The following ATP11A variants were observed in gnomAD, a reference collection of about 807,000 sequenced individuals.
ATP11A encodes the protein phospholipid-transporting ATPase IH.
ATP11A carries 81 observed loss-of-function variants against 154.4 expected under a neutral mutation model. The observed-to-expected ratio is 0.52, with a 90% CI of 0.44 to 0.63. The LOEUF (loss-of-function observed/expected upper bound fraction) is 0.63. Among genes scored for constraint, ATP11A ranks in the 30% least tolerant of loss-of-function variants. The pLI, the probability that ATP11A is intolerant of heterozygous loss-of-function variation, is 0.00. For missense variants in ATP11A, 1,316 were observed against 1,474.3 expected (o/e 0.89, Z 1.76); for synonymous variants, 623 against 585.9 (o/e 1.06, Z -0.91).
chr13:112,823,280 C>A, intron 8 of ATP11A, 65 bp from the exon 9 acceptor site: 1 of 1,288,884 alleles, frequency 7.8e-7, no homozygotes, highest in South Asian at 1.2e-5. Context: ...ACGTCTGCCT[C>A]TTGCCCCCCG....
chr13:112,770,981 G>C (rs2077212435), intron 1 of ATP11A, among the ~76,000 whole-genome samples: 1 of 152,216 alleles, frequency 6.6e-6, no homozygotes, highest in South Asian at 2.1e-4. Flanking sequence ...CAGTGATTGA[G>C]GCCGGTCGGC....
chr13:112,836,752 G>C (rs986567118), intron 16 of ATP11A, among the ~76,000 whole-genome samples: 1 of 152,218 alleles, frequency 6.6e-6, no homozygotes, highest in South Asian at 2.1e-4. Context: ...CACTCGGTTC[G>C]TGCTCCGGAA....
intron 2 of ATP11A, among the ~76,000 whole-genome samples, chr13:112,801,621 C>A (rs562605748): frequency 6.6e-6 from 1 of 152,216 alleles, no homozygotes; most frequent in Admixed American, 6.5e-5. Flanking sequence ...AAAAATTAAT[C>A]GCTATCCTAT....
chr13:112,858,418 G>C, intron 22 of ATP11A, 128 bp downstream of exon 22: 1 of 1,008,142 alleles, frequency 9.9e-7, no homozygotes, highest in Admixed American at 3.1e-5. Context: ...CTGTCAGAAA[G>C]GAAGGGGTGA....
rs904988365 is a variant in ATP11A at position 112,810,672 on chromosome 13, T to C, written c.387T>C (p.Pro129=). The C allele has an allele frequency of 1.2e-5, 19 of 1,614,102 alleles. No individual in the cohort carries two copies. Among genetic ancestry groups the C allele is most frequent in the South Asian group, 2.2e-5 (2 of 91,086 alleles). Residue 129 remains proline, a synonymous_variant, in exon 5 of 30, where the codon CCT becomes CCC. Coordinates refer to ENST00000375645, the MANE Select transcript of ATP11A (RefSeq NM_015205.3). ...HKADNAMNQC[P]VHFIQHGKLV... is the part of the protein sequence containing the mutation. The stretch of plus-strand genomic sequence containing the variant: ...CAGACAATGCCATGAACCAGTGTCC[T>C]GTTCATTTCATTCAGCACGGCAAGC...
chr13:112,769,617 T>C (rs1224379053), intron 1 of ATP11A, among the ~76,000 whole-genome samples: 1 of 152,178 alleles, frequency 6.6e-6, no homozygotes, highest in African/African-American at 2.4e-5. Flanking sequence ...CACCCTGGTT[T>C]TCCAGGTGAG....
chr13:112,880,699 C>T lies in ATP11A; in HGVS notation c.*10-1177C>T, dbSNP rs1006786380. ...GCCCGTGTGCTGTGACTGTCAGACC[C>T]GTTTTTCCTCCAAAGTTGTGCTGTG... On this transcript the variant is annotated intron_variant, in intron 29 of 29. Transcript: ENST00000375645. 3.0e-5 allele frequency: 37 copies of T among 1,248,390 alleles called. No homozygotes were observed. In the Middle Eastern group the frequency reaches 6.6e-4, roughly 22 times the overall value. 77.3% of individuals were successfully genotyped at this position (1,248,390 alleles called of 1,614,324 possible).
In ATP11A at chr13:112,728,466, G is replaced by A. The variant is rs78873614; in HGVS notation, c.39+38011G>A. ...CCACACGTGGAGGGGCCGTGAGACC[G>A]TGCAGCCCGCTTCCCTGTGTTACCT... On this transcript the variant is annotated intron_variant, in intron 1 of 29. Transcript: ENST00000375645. Among the ~76,000 whole-genome samples the A allele has an allele frequency of 4.3e-4, 62 of 145,836 alleles. No individual in the cohort carries two copies. The East Asian group carries it at 8.6e-3, about 20-fold the overall frequency.
At chr13:112,794,726 C>T (rs1339530386) in intron 2 of ATP11A, among the ~76,000 whole-genome samples, 4 of 151,866 alleles carry the variant, frequency 2.6e-5, no homozygotes, top group African/African-American at 7.3e-5. Flanking sequence ...AAATTAACTG[C>T]GTGTGGTGGC....
intron 1 of ATP11A, among the ~76,000 whole-genome samples, chr13:112,695,269 A>G (rs572012243): frequency 9.2e-5 from 14 of 152,336 alleles, no homozygotes; most frequent in African/African-American, 3.1e-4. Flanking sequence ...AAGACTAATA[A>G]TCTGTCTCCA....
At chr13:112,727,893 A>G (rs1890047345) in intron 1 of ATP11A, among the ~76,000 whole-genome samples, 2 of 152,228 alleles carry the variant, frequency 1.3e-5, no homozygotes, top group African/African-American at 2.4e-5. Flanking sequence ...CATTTCTCAC[A>G]TGCGTTGCGG....
At chr13:112,858,609 T>G (rs775831068) in intron 22 of ATP11A, 3 of 231,166 alleles carry the variant, frequency 1.3e-5, no homozygotes, top group Non-Finnish European at 2.6e-5. Flanking sequence ...TGCTGTCTCC[T>G]TCCTGGGATG....
chr13:112,832,726 C>A, intron 13 of ATP11A, 134 bp from the exon 14 acceptor site: 1 of 945,586 alleles, frequency 1.1e-6, no homozygotes, highest in Non-Finnish European at 1.6e-6. Context: ...TATAACCCCT[C>A]ACCGCCCACA....
In ATP11A at chr13:112,826,795, C is replaced by G. The variant is rs199854436; in HGVS notation, c.1125C>G (p.Gly375=). The G allele has an allele frequency of 6.2e-7, 1 of 1,614,180 alleles. No homozygotes were observed. Among genetic ancestry groups the G allele is most frequent in the East Asian group, 2.2e-5 (1 of 44,870 alleles). Residue 375 remains glycine (G), a synonymous_variant, in exon 12 of 30, where the codon GGC becomes GGG. Coordinates refer to ENST00000375645, the MANE Select transcript of ATP11A (RefSeq NM_015205.3). ...YVTVEMQKFL[G]SYFITWDEDM... ...CGGTCGAGATGCAGAAGTTCCTCGG[C>G]TCTTACTTCATCACCTGGGACGAAG... is the stretch of plus-strand genomic sequence containing the variant.
chr13:112,793,295 G>A (rs2077909263), intron 2 of ATP11A, among the ~76,000 whole-genome samples: 2 of 152,128 alleles, frequency 1.3e-5, no homozygotes, highest in Admixed American at 6.5e-5. Flanking sequence ...TCCACCGCCC[G>A]GGTTTAAGTG....
chr13:112,837,340 C>T (rs554460582), intron 16 of ATP11A, among the ~76,000 whole-genome samples: 1 of 152,328 alleles, frequency 6.6e-6, no homozygotes, highest in East Asian at 1.9e-4. Context: ...GTCCTTTCCA[C>T]GGACGGCTCA....
At chr13:112,846,143 A>G (rs1304413369) in intron 17 of ATP11A, among the ~76,000 whole-genome samples, 1 of 151,872 alleles carries the variant, frequency 6.6e-6, no homozygotes, top group Admixed American at 6.6e-5. Context: ...GCCTTGGTGG[A>G]GTGATGCTGT....
At position 112,831,516 on chromosome 13, in the gene ATP11A, A is replaced by G; in HGVS notation, c.1363A>G (p.Met455Val). The change falls in exon 13 of 30, where the codon ATG becomes GTG. Residue 455 changes from methionine to valine, a missense_variant. By Grantham distance (21) the Met-to-Val change is conservative (BLOSUM62 1). Transcript: ENST00000375645. ...QVLPESSGIDMIDSSPSVNGR... is the reference protein window; with the variant it reads ...QVLPESSGIDVIDSSPSVNGR... ...CCTCCCAGAGTCGTCAGGAATCGAC[A>G]TGATTGACTCGTCCCCCAGCGTCAA... The G allele has an allele frequency of 6.2e-7, 1 of 1,614,178 alleles. No homozygotes were observed. Among genetic ancestry groups the G allele is most frequent in the Non-Finnish European group, 8.5e-7 (1 of 1,180,008 alleles).
chr13:112,763,934 C>T (rs1049397250), intron 1 of ATP11A, among the ~76,000 whole-genome samples: 3 of 152,224 alleles, frequency 2.0e-5, no homozygotes, highest in Admixed American at 6.5e-5. Flanking sequence ...CTTGGGCACA[C>T]GTTCTCAGGA....
Sources: allele counts gnomAD v4.1 joint callset (sites outside exome capture counted in the v4.1 genomes callset), GRCh38; gene constraint gnomAD v4.1.1; transcripts MANE v1.5; gene names NCBI Gene and HGNC (gene_info 2026-07-23, HGNC 2026-07-21).